The following PTBP1 variants were observed in gnomAD, a reference collection of about 807,000 sequenced individuals.
PTBP1 encodes polypyrimidine tract binding protein 1.
In PTBP1, 8 loss-of-function variants were observed where a neutral mutation model predicts 59.8. That is an observed-to-expected ratio of 0.13 (90% CI 0.08 to 0.24). The LOEUF (loss-of-function observed/expected upper bound fraction) is 0.24. PTBP1 is among the 10% of genes least tolerant of loss of function. PTBP1 has a pLI of 1.00. For missense variants in PTBP1, 686 were observed against 767.0 expected, an observed-to-expected ratio of 0.89 and a Z score of 1.25; for synonymous variants, 490 against 320.7, an observed-to-expected ratio of 1.53 and a Z score of -5.64.
intron 10 of PTBP1, 46 bp from the exon 11 acceptor site, chr19:807,823 T>C: frequency 1.3e-6 from 2 of 1,559,884 alleles, no homozygotes; most frequent in Non-Finnish European, 1.8e-6. Flanking sequence ...CCTTGACCTC[T>C]CCCTCTCCCC....
intron 10 of PTBP1, chr19:806,816 C>T (rs904982936): frequency 1.8e-5 from 7 of 391,810 alleles, no homozygotes; most frequent in African/African-American, 1.1e-4. Flanking sequence ...CAAAGGCAAT[C>T]TAAAAATTAC....
chr19:803,450 G>A, intron 2 of PTBP1, 111 bp from the exon 3 acceptor site: 1 of 865,956 alleles, frequency 1.2e-6, no homozygotes, highest in South Asian at 1.5e-5. Context: ...GTGGGTATGG[G>A]TTGGGGGTCT....
At chr19:810,652 C>G in intron 14 of PTBP1, 32 bp downstream of exon 14, 1 of 1,612,112 alleles carries the variant, frequency 6.2e-7, no homozygotes, top group Non-Finnish European at 8.5e-7. Flanking sequence ...CCTGGCTCTC[C>G]CCAGGCTGCC....
intron 1 of PTBP1, among the ~76,000 whole-genome samples, chr19:799,097 ATTCCTCGGGGC>A (rs1219399305): frequency 2.0e-5 from 3 of 152,348 alleles, no homozygotes; most frequent in Non-Finnish European, 2.9e-5. Flanking sequence ...GGCATCTAGC[ATTCCTCGGGGC>A]TTCCGATGGG....
chr19:806,230 C>G (rs2034565546), intron 9 of PTBP1, 178 bp from the exon 10 acceptor site: 1 of 597,168 alleles, frequency 1.7e-6, no homozygotes, highest in Non-Finnish European at 2.7e-6. Flanking sequence ...GGTGCAGGAG[C>G]CGGCGGGTGG....
chr19:801,532 G>A (rs879536941), intron 2 of PTBP1, among the ~76,000 whole-genome samples: 2 of 152,244 alleles, frequency 1.3e-5, no homozygotes, highest in South Asian at 4.1e-4. Context: ...GGTCCAAGAT[G>A]CCCTTTTTAA....
intron 10 of PTBP1, chr19:807,465 ATG>A (rs1314318472): frequency 1.1e-5 from 2 of 184,830 alleles, no homozygotes; most frequent in African/African-American, 2.4e-5. Context: ...TGTAACTGGA[ATG>A]TGTGTGGAGT....
In PTBP1 at chr19:804,289, C is replaced by T. The variant is rs1259464111; in HGVS notation, c.289-3C>T. The T allele has an allele frequency of 3.1e-6, 5 of 1,613,636 alleles. No individual in the cohort carries two copies. Among genetic ancestry groups the T allele is most frequent in the East Asian group, 2.2e-5 (1 of 44,876 alleles). The stretch of plus-strand genomic sequence containing the variant: ...GGCCCAGCGCTCACTGCCTCCCCAA[C>T]AGGCCTTCATCGAGATGAACACGGA... On this transcript the variant is annotated splice_polypyrimidine_tract_variant and splice_region_variant and intron_variant, in intron 4 of 14. Coordinates refer to ENST00000356948, the MANE Select transcript of PTBP1 (RefSeq NM_002819.5).
At position 808,257 on chromosome 19, in the gene PTBP1, C is replaced by T. The variant is rs2034668712; in HGVS notation, c.1154-103C>T. The T allele has an allele frequency of 1.1e-5, 11 of 992,666 alleles. No homozygotes were observed. The highest frequency in any genetic ancestry group is 5.2e-5 in the East Asian group (2 of 38,146). The allele number at this position is 992,666 out of a possible 1,614,324, so 61.5% of individuals were successfully genotyped here. On this transcript the variant is annotated intron_variant, in intron 11 of 14. Transcript: ENST00000356948. This position sits in a 1 kb window ranked among gnomAD's most constrained non-coding sequence, Gnocchi z 4.7. ...CAGTGGCCGATAAAGCAAACCCGGC[C>T]GGGCTGAGCCGGGCCTTGTGGGGGT...
At chr19:806,108 G>A (rs1010640564) in intron 9 of PTBP1, 1 of 333,460 alleles carries the variant, frequency 3.0e-6, no homozygotes, top group South Asian at 7.3e-5. Flanking sequence ...CCTGCTTGCC[G>A]AGGGCCCCGT....
chr19:806,123 G>C (rs1325463007), intron 9 of PTBP1: 3 of 365,418 alleles, frequency 8.2e-6, no homozygotes, highest in African/African-American at 2.1e-5. Context: ...CCCCGTGTCT[G>C]TGCTGGCGGA....
chr19:802,913 C>A (rs976279596), intron 2 of PTBP1, among the ~76,000 whole-genome samples: 1 of 152,216 alleles, frequency 6.6e-6, no homozygotes, highest in East Asian at 1.9e-4. Context: ...CGCTGTGGAG[C>A]TCCCCCGGCC....
rs535012823 is a variant in PTBP1 at position 811,216 on chromosome 19, AG to A, written c.*394del. 464 of 159,996 alleles carry A rather than the reference AG, an allele frequency of 2.9e-3. 2 individuals carry two copies. The highest frequency in any genetic ancestry group is 0.01 in the African/African-American group (431 of 41,858). The allele number at this position is 159,996 out of a possible 1,614,324, so 9.9% of individuals were successfully genotyped here. On this transcript the variant is annotated 3_prime_UTR_variant, in exon 15 of 15. Coordinates refer to ENST00000356948, the MANE Select transcript of PTBP1 (RefSeq NM_002819.5). ...CCACCCGGGGTGTCCTGGGGACCCAAGGGGTGGGGGGGTCACACCAGAGAGA... is the reference window on the plus strand; with the variant it reads ...CCACCCGGGGTGTCCTGGGGACCCAAGGGTGGGGGGGTCACACCAGAGAGA...
intron 9 of PTBP1, 189 bp downstream of exon 9, chr19:805,758 T>A: frequency 3.3e-6 from 2 of 607,866 alleles, no homozygotes; most frequent in East Asian, 5.6e-5. Context: ...GACAGGGCTG[T>A]GGAGGCCCAC....
At chr19:800,227 C>T (rs2034274009) in intron 2 of PTBP1, among the ~76,000 whole-genome samples, 2 of 151,990 alleles carry the variant, frequency 1.3e-5, no homozygotes, top group South Asian at 2.1e-4. Context: ...AGCCGCCAGA[C>T]CCGGCTGACA....
chr19:806,185 CG>C (rs1365330779), intron 9 of PTBP1: 1 of 473,652 alleles, frequency 2.1e-6, no homozygotes, highest in Non-Finnish European at 3.7e-6. Context: ...AGCCCAGGCC[CG>C]GCCCGGCCCG....
Position 808,044 on chromosome 19 carries a change from C to T in PTBP1, c.1153+142C>T, listed in dbSNP as rs1599239115. On this transcript the variant is annotated intron_variant, in intron 11 of 14. Transcript: ENST00000356948. The surrounding 1 kb of genome is among the most constrained non-coding windows in gnomAD (Gnocchi z 4.7). ...CGTTTTATGGTTTGCTTTCGGTTTGCGAATTTTATTTGGTCCCGTAGATAC... is the reference window on the plus strand; with the variant it reads ...CGTTTTATGGTTTGCTTTCGGTTTGTGAATTTTATTTGGTCCCGTAGATAC... 2 of 814,718 alleles carry T rather than the reference C, an allele frequency of 2.5e-6. No homozygotes were observed. The highest frequency in any genetic ancestry group is 4.2e-6 in the Non-Finnish European group (2 of 477,578). 50.5% of individuals were successfully genotyped at this position (814,718 alleles called of 1,614,324 possible). A position where few individuals can be genotyped will look rare whatever the true frequency, so the allele number is the denominator to read the frequency against.
intron 13 of PTBP1, among the ~76,000 whole-genome samples, chr19:810,167 C>T (rs1489686964): frequency 6.6e-6 from 1 of 152,178 alleles, no homozygotes; most frequent in African/African-American, 2.4e-5. Flanking sequence ...ATTAGCCTGG[C>T]ATGGTGTTGC....
At chr19:802,737 C>A (rs1479732865) in intron 2 of PTBP1, among the ~76,000 whole-genome samples, 1 of 152,246 alleles carries the variant, frequency 6.6e-6, no homozygotes, top group Non-Finnish European at 1.5e-5. Context: ...CAATTTCACT[C>A]TTTGAATAAA....
Sources: allele counts gnomAD v4.1 joint callset (sites outside exome capture counted in the v4.1 genomes callset), GRCh38; gene constraint gnomAD v4.1.1; non-coding constraint Gnocchi (gnomAD v3.1); transcripts MANE v1.5; gene names NCBI Gene and HGNC (gene_info 2026-07-23, HGNC 2026-07-21).